The following SLX4IP variants were observed in gnomAD, a reference collection of about 807,000 sequenced individuals.
SLX4IP encodes the protein SLX4 interacting protein.
A neutral mutation model predicts 32.9 loss-of-function variants in SLX4IP; 34 were observed. The ratio of observed to expected loss-of-function variants is 1.03; its 90% CI spans 0.79 to 1.38. SLX4IP has a LOEUF of 1.38. Ranked by LOEUF, SLX4IP falls within the 40% of genes most tolerant of loss-of-function variation. The pLI, the probability that SLX4IP is intolerant of heterozygous loss-of-function variation, is 0.00. For missense variants in SLX4IP, 444 were observed against 479.0 expected (o/e 0.93, Z 0.68); for synonymous variants, 172 against 171.7 (o/e 1.00, Z -0.01).
chr20:10,597,957 A>C (rs1053184020), intron 4 of SLX4IP, among the ~76,000 whole-genome samples: 1 of 152,228 alleles, frequency 6.6e-6, no homozygotes, highest in Non-Finnish European at 1.5e-5. Flanking sequence ...AGATTTTGAC[A>C]TACTTGAATT....
chr20:10,502,625 C>G (rs1354863459), intron 2 of SLX4IP, among the ~76,000 whole-genome samples: 1 of 152,194 alleles, frequency 6.6e-6, no homozygotes, highest in African/African-American at 2.4e-5. Flanking sequence ...TACTCCCTCT[C>G]TTTGGGCATC....
At chr20:10,616,777 C>G (rs1167887567) in intron 6 of SLX4IP, among the ~76,000 whole-genome samples, 1 of 152,186 alleles carries the variant, frequency 6.6e-6, no homozygotes, top group Non-Finnish European at 1.5e-5. Context: ...ACATAGCACC[C>G]CATGGCCCTT....
rs1021671039 is a variant in SLX4IP, at chr20:10,598,727, C to A, written c.291C>A (p.Arg97=). The A allele has an allele frequency of 1.3e-5, 21 of 1,614,044 alleles. No homozygotes were observed. Among genetic ancestry groups the A allele is most frequent in the Non-Finnish European group, 1.8e-5 (21 of 1,180,002 alleles). ...TCCTCAAGAGAGGGATACGCCTTCG[C>A]TGCATCAGGAGCACACAGAATGCTG... The part of the protein sequence containing the change: ...AYFLKRGIRL[R]CIRSTQNAEL... Residue 97 remains arginine, a synonymous_variant, in exon 5 of 8, where the codon CGC becomes CGA. Transcript: ENST00000334534.
At chr20:10,440,063 G>T (rs1011432605) in intron 1 of SLX4IP, among the ~76,000 whole-genome samples, 10 of 151,930 alleles carry the variant, frequency 6.6e-5, no homozygotes. Context: ...ATAGAATATG[G>T]CTATTACAAT....
intron 2 of SLX4IP, among the ~76,000 whole-genome samples, chr20:10,459,760 T>C (rs2065320745): frequency 6.6e-6 from 1 of 152,162 alleles, no homozygotes; most frequent in Non-Finnish European, 1.5e-5. Context: ...GGTTGAGACC[T>C]TCTCAGGTGT....
At chr20:10,570,803 A>G (rs1389058369) in intron 4 of SLX4IP, among the ~76,000 whole-genome samples, 1 of 152,064 alleles carries the variant, frequency 6.6e-6, no homozygotes, top group Non-Finnish European at 1.5e-5. Flanking sequence ...TGCTGGGATT[A>G]CAGGCGTGAG....
At chr20:10,521,312 C>T (rs535695041) in intron 2 of SLX4IP, among the ~76,000 whole-genome samples, 4 of 152,178 alleles carry the variant, frequency 2.6e-5, no homozygotes, top group African/African-American at 9.6e-5. Context: ...TCCTGGACTC[C>T]TCTCTCTTGT....
intron 2 of SLX4IP, among the ~76,000 whole-genome samples, chr20:10,524,564 G>A (rs1032983568): frequency 2.6e-5 from 4 of 152,204 alleles, no homozygotes; most frequent in South Asian, 4.1e-4. Flanking sequence ...TGCTATATTC[G>A]TAAAAATGTC....
intron 2 of SLX4IP, among the ~76,000 whole-genome samples, chr20:10,512,778 C>CTATATATA (rs57942782): frequency 0.029 from 708 of 24,580 alleles, 23 homozygotes; most frequent in African/African-American, 0.051. Context: ...CACACACACT[C>CTATATATA]TATATATATA....
chr20:10,532,694 A>T (rs1052340205), intron 2 of SLX4IP, among the ~76,000 whole-genome samples: 3 of 152,082 alleles, frequency 2.0e-5, no homozygotes, highest in African/African-American at 7.2e-5. Context: ...GCATATCCCC[A>T]AGCTGAAATT....
chr20:10,468,576 A>G (rs548602877), intron 2 of SLX4IP, among the ~76,000 whole-genome samples: 2 of 152,214 alleles, frequency 1.3e-5, no homozygotes, highest in East Asian at 1.9e-4. Context: ...ATGCATTTGC[A>G]TTTCCTGCAG....
intron 4 of SLX4IP, among the ~76,000 whole-genome samples, chr20:10,561,746 T>TA (rs1333656265): frequency 6.6e-6 from 1 of 152,146 alleles, no homozygotes; most frequent in Non-Finnish European, 1.5e-5. Context: ...AGCTCCCACT[T>TA]ACAAGTTTGG....
intron 6 of SLX4IP, among the ~76,000 whole-genome samples, chr20:10,604,436 G>A (rs1330995506): frequency 6.6e-6 from 1 of 151,074 alleles, no homozygotes; most frequent in Non-Finnish European, 1.5e-5. Flanking sequence ...GTGACAATTT[G>A]TTAGGAAATC....
chr20:10,561,545 C>CTTTTTTTTTTTTTTTTT (rs749781715), intron 4 of SLX4IP, among the ~76,000 whole-genome samples: 1 of 139,148 alleles, frequency 7.2e-6, no homozygotes, highest in African/African-American at 2.7e-5. Flanking sequence ...TTTCTTTTTT[C>CTTTTTTTTTTTTTTTTT]TTTTTTTTTT....
chr20:10,547,985 C>T (rs2066179872), intron 2 of SLX4IP, among the ~76,000 whole-genome samples: 1 of 152,134 alleles, frequency 6.6e-6, no homozygotes, highest in South Asian at 2.1e-4. Context: ...CACAGGAGGA[C>T]AGACACTATG....
At chr20:10,564,569 C>G (rs2066369203) in intron 4 of SLX4IP, among the ~76,000 whole-genome samples, 1 of 152,130 alleles carries the variant, frequency 6.6e-6, no homozygotes, top group African/African-American at 2.4e-5. Flanking sequence ...AGGCTGGTGA[C>G]TTTGCTCATT....
intron 2 of SLX4IP, among the ~76,000 whole-genome samples, chr20:10,546,146 G>T (rs1038632236): frequency 1.3e-5 from 2 of 152,152 alleles, no homozygotes; most frequent in Non-Finnish European, 2.9e-5. Context: ...AATTGATCCA[G>T]AACATGCTCC....
At chr20:10,603,068 A>T (rs1453825852) in intron 6 of SLX4IP, among the ~76,000 whole-genome samples, 2 of 152,212 alleles carry the variant, frequency 1.3e-5, no homozygotes, top group Non-Finnish European at 1.5e-5. Context: ...TATCTTCGTA[A>T]ACTAATAAAT....
At chr20:10,481,240 T>C (rs1309207407) in intron 2 of SLX4IP, among the ~76,000 whole-genome samples, 1 of 152,162 alleles carries the variant, frequency 6.6e-6, no homozygotes, top group Non-Finnish European at 1.5e-5. Context: ...GTTTTACTGT[T>C]AAAGGAAAAG....
Sources: allele counts gnomAD v4.1 joint callset (sites outside exome capture counted in the v4.1 genomes callset), GRCh38; gene constraint gnomAD v4.1.1; transcripts MANE v1.5; gene names NCBI Gene and HGNC (gene_info 2026-07-23, HGNC 2026-07-21).